Variants in TNR observed in about 807,000 individuals in gnomAD.
TNR encodes tenascin R.
In TNR, 45 loss-of-function variants were observed where a neutral mutation model predicts 150.4. The observed-to-expected ratio is 0.30, with a 90% CI of 0.24 to 0.38. The LOEUF is 0.38. TNR is among the 10% of genes least tolerant of loss of function. TNR has a pLI of 1.00. For missense variants in TNR, 1,544 were observed against 1,759.1 expected (o/e 0.88, Z 2.19); for synonymous variants, 687 against 678.4 (o/e 1.01, Z -0.20).
intron 1 of TNR, among the ~76,000 whole-genome samples, chr1:175,684,533 GAAC>G (rs1336592904): frequency 1.3e-5 from 2 of 152,256 alleles, no homozygotes; most frequent in East Asian, 3.9e-4. Context: ...TGGTATAACT[GAAC>G]AACGTTACAC....
chr1:175,460,409 G>A lies in TNR; in HGVS notation c.-63-53632C>T, dbSNP rs575398453. ...GTCCCTCACTCCCACCAAGAAGGAA[G>A]AGGAACCCAAATATTGGAAAACCTG... On this transcript the variant is annotated intron_variant, in intron 2 of 22. Transcript: ENST00000367674. Among the ~76,000 whole-genome samples the A allele has an allele frequency of 2.2e-4, 34 of 152,122 alleles. No homozygotes were observed. The South Asian group carries it at 3.1e-3, about 14-fold the overall frequency.
Position 175,331,054 on chromosome 1 carries a change from T to TTTCTTTCTTTCTTTCCTTC in TNR, c.3632-820_3632-819insGAAGGAAAGAAAGAAAGAA, listed in dbSNP as rs1491493317. On this transcript the variant is annotated intron_variant, in intron 20 of 22. Transcript: ENST00000367674. ...CTTTCTTTCTTTCTTTCTTTCTTTC[T>TTTCTTTCTTTCTTTCCTTC]TTCTTTCTTTCTTTCTTTCTTTCCT... is the stretch of plus-strand genomic sequence containing the variant. 4.0e-4 allele frequency among the ~76,000 whole-genome samples: 42 copies of TTTCTTTCTTTCTTTCCTTC among 105,786 alleles called. 2 individuals are homozygous for TTTCTTTCTTTCTTTCCTTC. The East Asian group carries it at 4.1e-3, about 10-fold the overall frequency. 69.4% of individuals were successfully genotyped at this position (105,786 alleles called of 152,430 possible).
intron 1 of TNR, among the ~76,000 whole-genome samples, chr1:175,687,454 A>G (rs1394012980): frequency 6.6e-6 from 1 of 152,114 alleles, no homozygotes; most frequent in Non-Finnish European, 1.5e-5. Context: ...CTTTACACCC[A>G]CTGAAAGGAA....
intron 1 of TNR, among the ~76,000 whole-genome samples, chr1:175,708,615 C>T (rs927766678): frequency 1.3e-5 from 2 of 152,168 alleles, no homozygotes; most frequent in Admixed American, 6.5e-5. Flanking sequence ...AAAGGATGTG[C>T]CTCTGTGCGT....
intron 2 of TNR, among the ~76,000 whole-genome samples, chr1:175,445,876 C>T (rs972809613): frequency 6.6e-6 from 1 of 152,164 alleles, no homozygotes; most frequent in Non-Finnish European, 1.5e-5. Flanking sequence ...ACATCAGTAG[C>T]CTCTATGTGC....
intron 1 of TNR, among the ~76,000 whole-genome samples, chr1:175,725,690 A>G (rs1196264659): frequency 6.6e-6 from 1 of 152,248 alleles, no homozygotes. Context: ...AGAAAGACGA[A>G]GACAGTTTAA....
intron 1 of TNR, among the ~76,000 whole-genome samples, chr1:175,729,012 C>T (rs997915528): frequency 3.3e-5 from 5 of 152,152 alleles, no homozygotes; most frequent in Non-Finnish European, 4.4e-5. Flanking sequence ...GAGGGAGAGG[C>T]ATTCAAAAGG....
At chr1:175,603,327 G>T (rs867592321) in intron 1 of TNR, among the ~76,000 whole-genome samples, 21 of 152,318 alleles carry the variant, frequency 1.4e-4, no homozygotes, top group African/African-American at 4.6e-4. Context: ...AAGTGAGTTT[G>T]CTTCAAGCCC....
intron 2 of TNR, among the ~76,000 whole-genome samples, chr1:175,470,422 T>A (rs946514487): frequency 2.0e-5 from 3 of 152,196 alleles, no homozygotes; most frequent in Admixed American, 1.3e-4. Flanking sequence ...ATGCCACTAA[T>A]GTCAGGAGCA....
intron 1 of TNR, among the ~76,000 whole-genome samples, chr1:175,606,097 T>C (rs370314058): frequency 8.5e-4 from 130 of 152,368 alleles, no homozygotes; most frequent in African/African-American, 3.1e-3. Context: ...CTGAGATTTA[T>C]TTTATGACTT....
In TNR at chr1:175,717,679, A is replaced by G. The variant is rs532371890; in HGVS notation, c.-165+25547T>C. ...AGGTCATGGGCCCAGTGCTTCCTAC[A>G]GTGGAGTCAGGCACAGAGACATCTG... is the stretch of plus-strand genomic sequence containing the variant. On this transcript the variant is annotated intron_variant, in intron 1 of 22. Coordinates refer to ENST00000367674, the MANE Select transcript of TNR (RefSeq NM_003285.3). 3.3e-5 allele frequency among the ~76,000 whole-genome samples: 5 copies of G among 152,334 alleles called. No homozygotes were observed. The East Asian group carries it at 9.6e-4, about 29-fold the overall frequency.
At chr1:175,632,960 C>A (rs1664377744) in intron 1 of TNR, among the ~76,000 whole-genome samples, 1 of 152,228 alleles carries the variant, frequency 6.6e-6, no homozygotes, top group African/African-American at 2.4e-5. Context: ...TGGTGGAGTT[C>A]TTGGCCATAT....
chr1:175,690,529 G>A (rs1666329772), intron 1 of TNR, among the ~76,000 whole-genome samples: 1 of 152,244 alleles, frequency 6.6e-6, no homozygotes, highest in Admixed American at 6.5e-5. Context: ...GTGGGAATAA[G>A]CTGGGTGGGT....
chr1:175,458,621 A>G (rs1656672308), intron 2 of TNR, among the ~76,000 whole-genome samples: 1 of 152,142 alleles, frequency 6.6e-6, no homozygotes, highest in African/African-American at 2.4e-5. Context: ...CAAAGTCAAG[A>G]AAGTGCTTTG....
chr1:175,484,945 A>G (rs1475752015), intron 2 of TNR, among the ~76,000 whole-genome samples: 4 of 152,194 alleles, frequency 2.6e-5, no homozygotes, highest in African/African-American at 4.8e-5. Context: ...AAAAATAATT[A>G]TGTTTCCCTC....
At chr1:175,420,601 T>C (rs907846304) in intron 2 of TNR, among the ~76,000 whole-genome samples, 1 of 152,230 alleles carries the variant, frequency 6.6e-6, no homozygotes, top group Admixed American at 6.5e-5. Context: ...ACCTTTCCCC[T>C]TTTGAAAAGC....
chr1:175,459,092 A>G (rs1290366977), intron 2 of TNR, among the ~76,000 whole-genome samples: 15 of 151,042 alleles, frequency 9.9e-5, no homozygotes, highest in African/African-American at 2.4e-4. Flanking sequence ...TATCATTACT[A>G]ATACCACCAA....
chr1:175,711,851 G>A (rs1012780547), intron 1 of TNR, among the ~76,000 whole-genome samples: 2 of 152,220 alleles, frequency 1.3e-5, no homozygotes, highest in Non-Finnish European at 2.9e-5. Context: ...CATTTGAGTT[G>A]TGGGCAGGGC....
At chr1:175,381,387 G>T (rs1175007852) in intron 8 of TNR, among the ~76,000 whole-genome samples, 5 of 152,118 alleles carry the variant, frequency 3.3e-5, no homozygotes, top group South Asian at 2.1e-4. Flanking sequence ...TATGGTTTTT[G>T]TTGTTGTTGT....
Sources: gnomAD v4.1 joint callset for allele counts (sites outside exome capture counted in the v4.1 genomes callset) on GRCh38, gnomAD v4.1.1 for gene constraint, MANE v1.5 for transcripts, NCBI Gene and HGNC (gene_info 2026-07-23, HGNC 2026-07-21) for gene names.